The following COL19A1 variants were observed in gnomAD, a reference collection of about 807,000 sequenced individuals.
The protein encoded by COL19A1 is collagen type XIX alpha 1 chain, also known as collagen alpha-1(XIX) chain.
COL19A1 carries 159 observed loss-of-function variants against 190.2 expected under a neutral mutation model. That is an observed-to-expected ratio of 0.84 (90% confidence interval 0.73 to 0.95). COL19A1 has a LOEUF of 0.95. COL19A1 is among the 40% of genes least tolerant of loss of function. The pLI, the probability that COL19A1 is intolerant of heterozygous loss-of-function variation, is 0.00. For synonymous variants in COL19A1, 509 were observed against 458.9 expected, an observed-to-expected ratio of 1.11 and a Z score of -1.39; for missense variants, 1,418 against 1,431.9, an observed-to-expected ratio of 0.99 and a Z score of 0.16.
rs75466792 is a variant in COL19A1 at position 69,900,561 on chromosome 6, C to T, written c.266+223C>T. Among the ~76,000 whole-genome samples the T allele has an allele frequency of 5.4e-3, 819 of 151,964 alleles. 16 individuals are homozygous for T. The East Asian group carries it at 0.066, about 12-fold the overall frequency. On this transcript the variant is annotated intron_variant, in intron 4 of 50. Coordinates refer to ENST00000620364, the MANE Select transcript of COL19A1 (RefSeq NM_001858.6). ...TCATTTATATGTACAGAAAAAGGCA[C>T]GATCATTAGAGAACAGTAATTAAAT...
intron 15 of COL19A1, among the ~76,000 whole-genome samples, chr6:70,089,469 C>T (rs1782776345): frequency 6.6e-6 from 1 of 152,162 alleles, no homozygotes; most frequent in Admixed American, 6.6e-5. Context: ...ATAAATGAGA[C>T]AATAAACTAC....
rs546781388 is a variant in COL19A1, at chr6:70,055,811, A to C, written c.1171-12612A>C. ...AAAAAAAAAAAAAAAAAAAATTCAC[A>C]TTTTAATGACTGTAAATATTGTCAT... is the stretch of plus-strand genomic sequence containing the variant. On this transcript the variant is annotated intron_variant, in intron 14 of 50. Coordinates refer to ENST00000620364, the MANE Select transcript of COL19A1 (RefSeq NM_001858.6). Among the ~76,000 whole-genome samples the C allele has an allele frequency of 1.1e-4, 16 of 148,830 alleles. No individual in the cohort carries two copies. The South Asian group carries it at 3.4e-3, about 32-fold the overall frequency.
chr6:70,141,802 G>A, intron 20 of COL19A1, 91 bp from the exon 21 acceptor site: 1 of 841,964 alleles, frequency 1.2e-6, no homozygotes, highest in Non-Finnish European at 1.9e-6. Flanking sequence ...TTTATTGTAT[G>A]TTAATTAGTA....
At chr6:70,156,068 C>G in intron 31 of COL19A1, 59 bp from the exon 32 acceptor site, 1 of 1,491,892 alleles carries the variant, frequency 6.7e-7, no homozygotes, top group South Asian at 1.2e-5. Context: ...CACATGAAAC[C>G]TCACCTTTAT....
intron 27 of COL19A1, among the ~76,000 whole-genome samples, chr6:70,148,730 C>A (rs1218266764): frequency 6.6e-6 from 1 of 152,082 alleles, no homozygotes; most frequent in Non-Finnish European, 1.5e-5. Context: ...AGTTTGAGAC[C>A]AGTCTGGCCA....
At chr6:70,154,672 G>A (rs1787325774) in intron 31 of COL19A1, among the ~76,000 whole-genome samples, 1 of 152,194 alleles carries the variant, frequency 6.6e-6, no homozygotes, top group African/African-American at 2.4e-5. Context: ...GCCAGTAGCA[G>A]ATCAGTCCAA....
chr6:69,963,438 T>C (rs545749775), intron 11 of COL19A1, among the ~76,000 whole-genome samples: 1 of 152,272 alleles, frequency 6.6e-6, no homozygotes, highest in African/African-American at 2.4e-5. Flanking sequence ...CCCCACATAA[T>C]TACCAGACCC....
chr6:70,113,788 C>G (rs1784407432), intron 16 of COL19A1, among the ~76,000 whole-genome samples: 1 of 151,402 alleles, frequency 6.6e-6, no homozygotes. Flanking sequence ...TTATCCTTAC[C>G]CCTCTCCCAT....
intron 4 of COL19A1, among the ~76,000 whole-genome samples, chr6:69,901,642 G>A (rs139333174): frequency 6.6e-6 from 1 of 152,292 alleles, no homozygotes; most frequent in East Asian, 1.9e-4. Context: ...AAGCCATAAA[G>A]AAAAGATGAG....
At chr6:70,078,099 A>G (rs1017520139) in intron 15 of COL19A1, among the ~76,000 whole-genome samples, 3 of 152,208 alleles carry the variant, frequency 2.0e-5, no homozygotes, top group Non-Finnish European at 4.4e-5. Context: ...ATCAAATAAA[A>G]ATCTCTACAC....
intron 2 of COL19A1, among the ~76,000 whole-genome samples, chr6:69,887,793 C>G (rs1026321658): frequency 2.6e-5 from 4 of 152,084 alleles, no homozygotes; most frequent in Admixed American, 6.6e-5. Flanking sequence ...AACAGGAACT[C>G]TCACTAGGCC....
Position 69,929,612 on chromosome 6 carries a change from C to T in COL19A1, c.578C>T (p.Ala193Val), listed in dbSNP as rs759924510. Residue 193 changes from alanine (A) to valine (V), a missense_variant, in exon 6 of 51, where the codon GCG becomes GTG. By Grantham distance (64) the Ala-to-Val change is moderately conservative. Transcript: ENST00000620364. The part of the protein sequence containing the change: ...ISLYMDCNLI[A>V]RRQTDEKDTV... ...CTTTATATGGATTGTAATTTAATTG[C>T]GAGGAGGCAGACTGATGAAAAGGAC... 23 of 1,613,628 alleles carry T rather than the reference C, an allele frequency of 1.4e-5. No homozygotes were observed. Among genetic ancestry groups the T allele is most frequent in the Admixed American group, 3.3e-5 (2 of 59,938 alleles).
chr6:69,883,441 T>C (rs1768699334), intron 2 of COL19A1, among the ~76,000 whole-genome samples: 1 of 152,198 alleles, frequency 6.6e-6, no homozygotes, highest in South Asian at 2.1e-4. Context: ...TGCCCCTCAT[T>C]ACCTCTTGGT....
intron 4 of COL19A1, among the ~76,000 whole-genome samples, chr6:69,905,022 G>A (rs1235292819): frequency 6.6e-6 from 1 of 152,112 alleles, no homozygotes; most frequent in African/African-American, 2.4e-5. Flanking sequence ...CCTATCCACT[G>A]CCTCCCACAT....
chr6:70,057,251 G>A (rs1358233451), intron 14 of COL19A1, among the ~76,000 whole-genome samples: 1 of 152,030 alleles, frequency 6.6e-6, no homozygotes, highest in Non-Finnish European at 1.5e-5. Flanking sequence ...ACACCCACTT[G>A]CATAAATCAT....
chr6:70,089,881 CT>C (rs1205614818), intron 15 of COL19A1, among the ~76,000 whole-genome samples: 1 of 152,030 alleles, frequency 6.6e-6, no homozygotes, highest in Admixed American at 6.6e-5. Flanking sequence ...TACTGTATAT[CT>C]TTTTTTCCAG....
At position 69,874,889 on chromosome 6, in the gene COL19A1, T is replaced by C. The variant is rs145266731; in HGVS notation, c.-32-4647T>C. Among the ~76,000 whole-genome samples, 858 of 152,346 alleles carry C rather than the reference T, an allele frequency of 5.6e-3. 8 individuals carry two copies. The highest frequency in any genetic ancestry group is 0.019 in the African/African-American group (789 of 41,574). ...ATCACTACAGATTCCAAAATAAGTA[T>C]ATTTCACTGTATCTCAAGATTTGTA... On this transcript the variant is annotated intron_variant, in intron 1 of 50. Coordinates refer to ENST00000620364, the MANE Select transcript of COL19A1 (RefSeq NM_001858.6).
At position 70,119,743 on chromosome 6, in the gene COL19A1, A is replaced by T. The variant is rs1180455912; in HGVS notation, c.1279-2137A>T. 3.3e-5 allele frequency among the ~76,000 whole-genome samples: 5 copies of T among 152,154 alleles called. No individual in the cohort carries two copies. The East Asian group carries it at 9.6e-4, about 29-fold the overall frequency. On this transcript the variant is annotated intron_variant, in intron 16 of 50. Transcript: ENST00000620364. Reference sequence around the variant, plus strand: ...GGACATTCCTCCTGTCATTGTAAGGACTAAATTAGTTAATTCCTGCTGTAA... The same window carrying T: ...GGACATTCCTCCTGTCATTGTAAGGTCTAAATTAGTTAATTCCTGCTGTAA...
chr6:69,893,474 A>T (rs1199346473), intron 2 of COL19A1, among the ~76,000 whole-genome samples: 1 of 152,204 alleles, frequency 6.6e-6, no homozygotes, highest in Non-Finnish European at 1.5e-5. Context: ...TCTGATTTTT[A>T]TCTTGCCCAG....
Sources: allele counts gnomAD v4.1 joint callset (sites outside exome capture counted in the v4.1 genomes callset), GRCh38; gene constraint gnomAD v4.1.1; transcripts MANE v1.5; gene names NCBI Gene and HGNC (gene_info 2026-07-23, HGNC 2026-07-21).